The following TULP4 variants were observed in gnomAD, a reference collection of about 807,000 sequenced individuals.
TULP4 encodes the protein tubby-related protein 4.
In TULP4, 16 loss-of-function variants were observed where a neutral mutation model predicts 129.0. The ratio of observed to expected loss-of-function variants is 0.12; its 90% CI spans 0.08 to 0.19. TULP4 has a LOEUF of 0.19. Among genes scored for constraint, TULP4 ranks in the 10% least tolerant of loss-of-function variants. The pLI is 1.00. For synonymous variants in TULP4, 998 were observed against 854.0 expected (o/e 1.17, Z -2.94); for missense variants, 1,842 against 2,059.1 (o/e 0.89, Z 2.04).
intron 1 of TULP4, among the ~76,000 whole-genome samples, chr6:158,270,388 T>G (rs77671769): frequency 0.01 from 1,549 of 152,308 alleles, 10 homozygotes; most frequent in Middle Eastern, 0.02. Context: ...GGCTCTTGAT[T>G]ACAGGATTTA....
At chr6:158,418,480 A>G (rs1344922008) in intron 2 of TULP4, among the ~76,000 whole-genome samples, 1 of 149,590 alleles carries the variant, frequency 6.7e-6, no homozygotes, top group African/African-American at 2.5e-5. Context: ...TAGTCTTATC[A>G]CATTATGTTG....
At chr6:158,417,411 C>G (rs923228212) in intron 2 of TULP4, among the ~76,000 whole-genome samples, 15 of 152,176 alleles carry the variant, frequency 9.9e-5, no homozygotes, top group African/African-American at 3.6e-4. Context: ...GCCTGCCTAC[C>G]AGGTTTGACT....
Position 158,363,737 on chromosome 6 carries a change from G to C in TULP4, c.253-49328G>C, listed in dbSNP as rs576670349. Among the ~76,000 whole-genome samples the C allele has an allele frequency of 1.4e-3, 218 of 152,150 alleles. 1 individual carries two copies. The highest frequency in any genetic ancestry group is 3.4e-3 in the Middle Eastern group (1 of 294). On this transcript the variant is annotated intron_variant, in intron 1 of 13. Transcript: ENST00000367097. The stretch of plus-strand genomic sequence containing the variant: ...CTGACCTCAGGTGATCCACCCCCCC[G>C]GCCTCCCAAAGTGCTGGGATTACAG...
At chr6:158,296,516 T>C (rs1019298682) in intron 1 of TULP4, among the ~76,000 whole-genome samples, 8 of 151,944 alleles carry the variant, frequency 5.3e-5, no homozygotes, top group Non-Finnish European at 1.0e-4. Flanking sequence ...ATCACATGCT[T>C]CAAAGGGCAA....
At chr6:158,331,896 G>T (rs1171163840) in intron 1 of TULP4, among the ~76,000 whole-genome samples, 1 of 148,666 alleles carries the variant, frequency 6.7e-6, no homozygotes, top group Non-Finnish European at 1.5e-5. Context: ...TAACTGCCGG[G>T]CACGGTGGCT....
At chr6:158,489,246 G>A (rs1415797858) in intron 8 of TULP4, among the ~76,000 whole-genome samples, 2 of 152,246 alleles carry the variant, frequency 1.3e-5, no homozygotes, top group Non-Finnish European at 2.9e-5. Flanking sequence ...CCCAGGTTCT[G>A]TGGCTGCCTG....
At chr6:158,463,648 A>AT (rs1258441715) in intron 6 of TULP4, among the ~76,000 whole-genome samples, 11 of 92,584 alleles carry the variant, frequency 1.2e-4, no homozygotes, top group East Asian at 4.9e-4. Context: ...AGTATAATAA[A>AT]AATATATATA....
At chr6:158,272,945 A>G (rs891862576) in intron 1 of TULP4, among the ~76,000 whole-genome samples, 7 of 152,238 alleles carry the variant, frequency 4.6e-5, no homozygotes, top group African/African-American at 1.7e-4. Context: ...GTAGATGCAT[A>G]GAGATCTCAT....
intron 1 of TULP4, among the ~76,000 whole-genome samples, chr6:158,234,233 A>G (rs1157872606): frequency 1.3e-5 from 2 of 152,192 alleles, no homozygotes; most frequent in Non-Finnish European, 2.9e-5. Flanking sequence ...TTTACCTACC[A>G]AAACTCTGAA....
chr6:158,481,023 C>T, intron 7 of TULP4, 32 bp from the exon 8 acceptor site: 1 of 1,528,678 alleles, frequency 6.5e-7, no homozygotes, highest in South Asian at 1.3e-5. Flanking sequence ...CTCTGGAGTC[C>T]CAGCTCTTCA....
chr6:158,382,069 T>C (rs565248277), intron 1 of TULP4, among the ~76,000 whole-genome samples: 1 of 152,222 alleles, frequency 6.6e-6, no homozygotes, highest in South Asian at 2.1e-4. Context: ...GCCAGGAGTA[T>C]GGGGAGGAGG....
chr6:158,327,036 A>G (rs2128490102), intron 1 of TULP4, among the ~76,000 whole-genome samples: 1 of 152,304 alleles, frequency 6.6e-6, no homozygotes, highest in South Asian at 2.1e-4. Flanking sequence ...TCCTGCAACC[A>G]TCCCCCTTGT....
chr6:158,500,140 G>A (rs1383767896), intron 12 of TULP4, among the ~76,000 whole-genome samples: 1 of 152,198 alleles, frequency 6.6e-6, no homozygotes, highest in Non-Finnish European at 1.5e-5. Context: ...AGGTTCAGCT[G>A]TTGCTGCAGT....
intron 1 of TULP4, among the ~76,000 whole-genome samples, chr6:158,401,854 T>C (rs1164076082): frequency 2.0e-5 from 3 of 152,196 alleles, no homozygotes; most frequent in African/African-American, 7.2e-5. Context: ...CTTTATAATT[T>C]TGAGTGATCA....
chr6:158,262,256 CTGCAAGCTCCTT>C (rs1188378222), intron 1 of TULP4, among the ~76,000 whole-genome samples: 8 of 152,246 alleles, frequency 5.3e-5, no homozygotes, highest in Non-Finnish European at 1.0e-4. Context: ...GCAGGTTTCT[CTGCAAGCTCCTT>C]TGTAGGTTGG....
chr6:158,460,165 C>A (rs1031397365), intron 5 of TULP4, among the ~76,000 whole-genome samples: 7 of 152,168 alleles, frequency 4.6e-5, no homozygotes. Flanking sequence ...TGTCTTGTCC[C>A]AGGAGACACA....
intron 1 of TULP4, among the ~76,000 whole-genome samples, chr6:158,363,692 G>A (rs1780852187): frequency 6.6e-6 from 1 of 152,072 alleles, no homozygotes; most frequent in African/African-American, 2.4e-5. Flanking sequence ...TGCCCTGTTG[G>A]CCAGGCTGGT....
intron 1 of TULP4, chr6:158,237,502 T>C: frequency 6.4e-7 from 1 of 1,552,226 alleles, no homozygotes; most frequent in Non-Finnish European, 8.9e-7. Flanking sequence ...ACTCACAGTT[T>C]TTCTGGCATC....
rs1779415843 is a variant in TULP4, at chr6:158,313,668, A to G, written c.-349A>G. The G allele has an allele frequency of 2.3e-6, 1 of 443,838 alleles. No homozygotes were observed. The highest frequency in any genetic ancestry group is 2.0e-5 in the African/African-American group (1 of 49,324). 27.5% of individuals were successfully genotyped at this position (443,838 alleles called of 1,614,324 possible). On this transcript the variant is annotated 5_prime_UTR_variant, in exon 1 of 14. Coordinates refer to ENST00000367097, the MANE Select transcript of TULP4 (RefSeq NM_020245.5). ...ATGAGAATAACCAAGTGGAGTAAAA[A>G]GAAGAAAACCGTTTCTTGATCACCA... is the stretch of plus-strand genomic sequence containing the variant.
Sources: gnomAD v4.1 joint callset for allele counts (sites outside exome capture counted in the v4.1 genomes callset) on GRCh38, gnomAD v4.1.1 for gene constraint, MANE v1.5 for transcripts, NCBI Gene and HGNC (gene_info 2026-07-23, HGNC 2026-07-21) for gene names.